COX15: variants seen among roughly 807,000 people sequenced by gnomAD.
The protein encoded by COX15 is heme A synthase COX15.
A neutral mutation model predicts 51.9 loss-of-function variants in COX15; 51 were observed. The observed-to-expected ratio is 0.98, with a 90% CI of 0.78 to 1.24. The LOEUF (loss-of-function observed/expected upper bound fraction) is 1.24. Among genes scored for constraint, COX15 ranks in the 50% most tolerant of loss-of-function variants. COX15 has a pLI of 0.00. For synonymous variants in COX15, 188 were observed against 190.5 expected, an observed-to-expected ratio of 0.99 and a Z score of 0.11; for missense variants, 420 against 501.1, an observed-to-expected ratio of 0.84 and a Z score of 1.55.
rs1256195081 is a variant in COX15 at position 99,711,474 on chromosome 10, T to C, written c.*3113A>G. ...TACTAACATACTAATAGGAGCAACA[T>C]AGCAGATCAAATGATAAGGTGGGGT... On this transcript the variant is annotated 3_prime_UTR_variant, in exon 9 of 9. Coordinates refer to ENST00000016171, the MANE Select transcript of COX15 (RefSeq NM_078470.6). 6.1e-6 allele frequency: 6 copies of C among 985,198 alleles called. No homozygotes were observed. Among genetic ancestry groups the C allele is most frequent in the East Asian group, 2.3e-4 (2 of 8,828 alleles). The allele number at this position is 985,198 out of a possible 1,614,324, so 61.0% of individuals were successfully genotyped here. A position where few individuals can be genotyped will look rare whatever the true frequency, so the allele number is the denominator to read the frequency against.
At position 99,729,664 on chromosome 10, in the gene COX15, C is replaced by T. The variant is rs781108007; in HGVS notation, c.161G>A (p.Gly54Glu). The change falls in exon 2 of 9, where the codon GGA (glycine) becomes GAA (glutamate). Residue 54 changes from glycine (G) to glutamate (E), a missense_variant. Physicochemically the swap from Gly to Glu is moderately conservative, Grantham distance 98 (BLOSUM62 -2). Transcript: ENST00000016171. ...TGAGGGAAGGGACACTGTACCCCTTCCAGATTGCAAAGCTACTTCAGAGAT... is the reference window on the plus strand; with the variant it reads ...TGAGGGAAGGGACACTGTACCCCTTTCAGATTGCAAAGCTACTTCAGAGAT... ...STISEVALQS[G>E]RGTVSLPSKA... is the part of the protein sequence containing the mutation. 2.2e-5 allele frequency: 35 copies of T among 1,614,040 alleles called. 1 individual carries two copies. Among genetic ancestry groups the T allele is most frequent in the South Asian group, 1.8e-4 (16 of 91,088 alleles).
intron 8 of COX15, among the ~76,000 whole-genome samples, chr10:99,715,295 G>A (rs566499755): frequency 2.0e-5 from 3 of 152,070 alleles, no homozygotes; most frequent in South Asian, 2.1e-4. Context: ...GTGCCACCCC[G>A]CCTGGCTAAT....
At chr10:99,700,981 T>A in the COX15 span, 3 of 1,613,860 alleles carry the variant, frequency 1.9e-6, no homozygotes, top group Non-Finnish European at 2.5e-6. Context: ...AGGATTACTG[T>A]GGCATGGCTT....
chr10:99,701,104 A>T, the COX15 span: 1 of 1,422,752 alleles, frequency 7.0e-7, no homozygotes, highest in Non-Finnish European at 9.9e-7. Context: ...TAAAATCTAG[A>T]TGGCAGATTA....
At chr10:99,715,571 C>G (rs2036543122) in intron 8 of COX15, among the ~76,000 whole-genome samples, 1 of 151,428 alleles carries the variant, frequency 6.6e-6, no homozygotes, top group African/African-American at 2.4e-5. Flanking sequence ...ATTTGCTGGG[C>G]CAAAGAATTA....
chr10:99,721,526 A>G (rs185578824), intron 5 of COX15, among the ~76,000 whole-genome samples: 13 of 152,330 alleles, frequency 8.5e-5, no homozygotes, highest in Admixed American at 7.9e-4. Flanking sequence ...AGATTCCTCC[A>G]TTTAGTGTTT....
At chr10:99,715,381 C>T (rs147967144) in intron 8 of COX15, among the ~76,000 whole-genome samples, 2,941 of 152,218 alleles carry the variant, frequency 0.019, 79 homozygotes, top group African/African-American at 0.067. Context: ...TCAGGTAATC[C>T]GCCCACCTCG....
the COX15 span, among the ~76,000 whole-genome samples, chr10:99,697,027 C>T: frequency 2.0e-5 from 3 of 152,272 alleles, no homozygotes; most frequent in Admixed American, 6.5e-5. Flanking sequence ...CATTTAGCTA[C>T]GAACACTAGC....
chr10:99,701,049 A>C, the COX15 span: 3 of 1,613,988 alleles, frequency 1.9e-6, no homozygotes, highest in African/African-American at 4.0e-5. Context: ...GCAGATGAGC[A>C]TCGACTCAAG....
downstream of COX15, chr10:99,709,741 C>T (rs2036326040): frequency 1.0e-6 from 1 of 985,198 alleles, no homozygotes; most frequent in Non-Finnish European, 1.2e-6. Flanking sequence ...GCTCTGTCTA[C>T]TTATCTTCCT....
Position 99,713,618 on chromosome 10 carries a change from C to G in COX15, c.*969G>C. 9 of 1,225,874 alleles carry G rather than the reference C, an allele frequency of 7.3e-6. No homozygotes were observed. Among genetic ancestry groups the G allele is most frequent in the Non-Finnish European group, 1.0e-5 (9 of 873,272 alleles). The allele number at this position is 1,225,874 out of a possible 1,614,324, so 75.9% of individuals were successfully genotyped here. A position where few individuals can be genotyped will look rare whatever the true frequency, so the allele number is the denominator to read the frequency against. ...GCTGTTAGGAAACCCTCTCAGGAAC[C>G]AATTTATACTGTCGATTCCATTCCT... On this transcript the variant is annotated 3_prime_UTR_variant, in exon 9 of 9. Transcript: ENST00000016171.
downstream of COX15, chr10:99,709,065 G>T: frequency 1.0e-6 from 1 of 982,004 alleles, no homozygotes; most frequent in South Asian, 4.7e-5. Flanking sequence ...ATTTCTTTTC[G>T]TACTTTTAAA....
At chr10:99,706,067 C>G (rs11190251), downstream of COX15, 491 of 152,182 alleles carry the variant, frequency 3.2e-3, 3 homozygotes, top group African/African-American at 0.011. Flanking sequence ...CTTTTCGTCA[C>G]CTTTGATTTT....
At position 99,727,146 on chromosome 10, in the gene COX15, T is replaced by G; in HGVS notation, c.404A>C (p.His135Pro). The change falls in exon 4 of 9, where the codon CAT becomes CCT. Residue 135 changes from histidine (H) to proline (P), a missense_variant. By Grantham distance (77) the His-to-Pro change is moderately conservative. Coordinates refer to ENST00000016171, the MANE Select transcript of COX15 (RefSeq NM_078470.6). Reference protein sequence around the residue: ...QQFPEFKILNHDMTLTEFKFI... With the variant: ...QQFPEFKILNPDMTLTEFKFI... ...CTTGAATTCTGTCAGTGTCATATCA[T>G]GATTCAAGCTGGGTGAAATGGAAAG... 1 of 1,614,158 alleles carries G rather than the reference T, an allele frequency of 6.2e-7. No homozygotes were observed. Among genetic ancestry groups the G allele is most frequent in the Non-Finnish European group, 8.5e-7 (1 of 1,180,002 alleles).
chr10:99,705,291 T>C, the COX15 span: 25 of 155,216 alleles, frequency 1.6e-4, no homozygotes, highest in Admixed American at 1.5e-3. Flanking sequence ...GTGTTGATGA[T>C]GTTAGTACAT....
In COX15 at chr10:99,713,979, A is replaced by AG. The variant is rs2036485525; in HGVS notation, c.*607_*608insC. The AG allele has an allele frequency of 1.0e-6, 1 of 1,000,792 alleles. No homozygotes were observed. The highest frequency in any genetic ancestry group is 1.2e-6 in the Non-Finnish European group (1 of 839,426). 62.0% of individuals were successfully genotyped at this position (1,000,792 alleles called of 1,614,324 possible). ...AGAGTGAAACTCTGTCTCAAAAAAA[A>AG]AAAAAAAAATGGAACTATTTGGCGA... On this transcript the variant is annotated 3_prime_UTR_variant, in exon 9 of 9. Transcript: ENST00000016171.
intron 7 of COX15, 61 bp from the exon 8 acceptor site, chr10:99,716,522 C>T: frequency 8.7e-7 from 1 of 1,146,324 alleles, no homozygotes; most frequent in Non-Finnish European, 1.3e-6. Flanking sequence ...ACTCACCTTA[C>T]ATGTATCTCC....
the COX15 span, chr10:99,702,515 T>C: frequency 1.9e-5 from 29 of 1,564,972 alleles, no homozygotes; most frequent in Middle Eastern, 1.7e-4. Flanking sequence ...CACACAGATA[T>C]CAGTGTTTTA....
Position 99,710,869 on chromosome 10 carries a change from T to A in COX15, c.*3718A>T. 4 of 985,400 alleles carry A rather than the reference T, an allele frequency of 4.1e-6. No individual in the cohort carries two copies. The highest frequency in any genetic ancestry group is 4.8e-6 in the Non-Finnish European group (4 of 829,892). The allele number at this position is 985,400 out of a possible 1,614,324, so 61.0% of individuals were successfully genotyped here. On this transcript the variant is annotated 3_prime_UTR_variant, in exon 9 of 9. Transcript: ENST00000016171. ...GACAAAAAATTCTAGGTTGACTGATTAAGAAAGCCATGTGTTTTAATTTCC... is the reference window on the plus strand; with the variant it reads ...GACAAAAAATTCTAGGTTGACTGATAAAGAAAGCCATGTGTTTTAATTTCC...
Sources: gnomAD v4.1 joint callset for allele counts (sites outside exome capture counted in the v4.1 genomes callset) on GRCh38, gnomAD v4.1.1 for gene constraint, MANE v1.5 for transcripts, NCBI Gene and HGNC (gene_info 2026-07-23, HGNC 2026-07-21) for gene names.